Variants in RREB1 observed in about 807,000 individuals in gnomAD.
RREB1 encodes the protein ras responsive element binding protein 1, also known as ras-responsive element-binding protein 1.
RREB1 carries 27 observed loss-of-function variants against 117.8 expected under a neutral mutation model. That is an observed-to-expected ratio of 0.23 (90% confidence interval 0.17 to 0.32). The LOEUF (loss-of-function observed/expected upper bound fraction) is 0.32, where lower values mean the gene tolerates loss of function less well. RREB1 is among the 10% of genes least tolerant of loss of function. The pLI, the probability that RREB1 is intolerant of heterozygous loss-of-function variation, is 1.00. For synonymous variants in RREB1, 1,298 were observed against 1,026.7 expected, an observed-to-expected ratio of 1.26 and a Z score of -5.05; for missense variants, 2,577 against 2,378.2, an observed-to-expected ratio of 1.08 and a Z score of -1.74.
intron 1 of RREB1, among the ~76,000 whole-genome samples, chr6:7,137,296 G>C (rs1202048108): frequency 6.6e-6 from 1 of 152,188 alleles, no homozygotes; most frequent in Non-Finnish European, 1.5e-5. Context: ...CTGCCTTATA[G>C]ACTCGGGTAC....
At chr6:7,239,190 C>T (rs1461209656) in intron 10 of RREB1, among the ~76,000 whole-genome samples, 1 of 152,216 alleles carries the variant, frequency 6.6e-6, no homozygotes, top group Admixed American at 6.5e-5. Context: ...TTCCAGGGAG[C>T]TGTGTTTAAT....
Position 7,248,636 on chromosome 6 carries a change from G to A in RREB1, c.4897G>A (p.Glu1633Lys), listed in dbSNP as rs997429214. The part of the protein sequence containing the change: ...AKHHGKDSDK[E>K]ERGEEDSENE... Reference sequence around the variant, plus strand: ...ACACCACGGGAAGGACAGCGACAAGGAAGAGCGGGGTGAGGAGGACAGCGA... The same window carrying A: ...ACACCACGGGAAGGACAGCGACAAGAAAGAGCGGGGTGAGGAGGACAGCGA... The change falls in exon 13 of 13, where the codon GAA becomes AAA. Residue 1633 changes from glutamate (E) to lysine (K), a missense_variant. By Grantham distance (56) the Glu-to-Lys change is moderately conservative (BLOSUM62 1). Transcript: ENST00000379938. 1.2e-6 allele frequency: 2 copies of A among 1,614,136 alleles called. No homozygotes were observed. Among genetic ancestry groups the A allele is most frequent in the South Asian group, 1.1e-5 (1 of 91,094 alleles).
At chr6:7,160,336 A>T (rs547868614) in intron 1 of RREB1, among the ~76,000 whole-genome samples, 186 of 151,476 alleles carry the variant, frequency 1.2e-3, no homozygotes, top group South Asian at 2.5e-3. Flanking sequence ...AAGTTTTTTT[A>T]AAAAAAAATA....
chr6:7,171,197 T>C (rs1764189517), intron 1 of RREB1, among the ~76,000 whole-genome samples: 3 of 152,224 alleles, frequency 2.0e-5, no homozygotes, highest in Admixed American at 2.0e-4. Context: ...CCCATCACTT[T>C]GCAGAGCAAG....
intron 1 of RREB1, among the ~76,000 whole-genome samples, chr6:7,113,634 C>A (rs747052439): frequency 5.9e-5 from 9 of 152,266 alleles, no homozygotes; most frequent in Admixed American, 1.3e-4. Flanking sequence ...TCCAGCCTAG[C>A]CCTGTAGAAC....
chr6:7,169,112 T>G (rs1176989370), intron 1 of RREB1, among the ~76,000 whole-genome samples: 1 of 152,252 alleles, frequency 6.6e-6, no homozygotes, highest in Non-Finnish European at 1.5e-5. Context: ...ATAGCAACAT[T>G]CTTTTCTGTT....
At chr6:7,131,000 G>T (rs1186863667) in intron 1 of RREB1, among the ~76,000 whole-genome samples, 1 of 141,826 alleles carries the variant, frequency 7.1e-6, no homozygotes, top group Admixed American at 7.5e-5. Context: ...GGTCAGTGGC[G>T]CGATCTCGGC....
intron 7 of RREB1, 71 bp from the exon 8 acceptor site, chr6:7,211,502 C>T (rs1766602127): frequency 1.5e-6 from 2 of 1,351,828 alleles, no homozygotes; most frequent in Non-Finnish European, 1.1e-6. Flanking sequence ...CTGAATTTAG[C>T]ATTGGCCTCT....
chr6:7,124,498 A>T lies in RREB1; in HGVS notation c.-285+16438A>T, dbSNP rs947723599. Among the ~76,000 whole-genome samples the T allele has an allele frequency of 5.9e-5, 9 of 152,348 alleles. No homozygotes were observed. In the East Asian group the frequency reaches 1.7e-3, roughly 29 times the overall value. On this transcript the variant is annotated intron_variant, in intron 1 of 12. Coordinates refer to ENST00000379938, the MANE Select transcript of RREB1 (RefSeq NM_001003699.4). Reference sequence around the variant, plus strand: ...TGTCTCTTCAGGAAACTGAGTACACAGAAATCCAGTCCTAAACACCAGAAA... The same window carrying T: ...TGTCTCTTCAGGAAACTGAGTACACTGAAATCCAGTCCTAAACACCAGAAA...
At position 7,249,709 on chromosome 6, in the gene RREB1, T is replaced by G. The variant is rs540287249; in HGVS notation, c.*741T>G. The G allele has an allele frequency of 2.0e-5, 3 of 152,084 alleles. No homozygotes were observed. Among genetic ancestry groups the G allele is most frequent in the Non-Finnish European group, 4.4e-5 (3 of 68,030 alleles). 9.4% of individuals were successfully genotyped at this position (152,084 alleles called of 1,614,324 possible). On this transcript the variant is annotated 3_prime_UTR_variant, in exon 13 of 13. Coordinates refer to ENST00000379938, the MANE Select transcript of RREB1 (RefSeq NM_001003699.4). ...ATCCATTCTTAACTATAGAGAAGAG[T>G]TACTCCCCTGGCGTCTTAACCTATG...
intron 1 of RREB1, among the ~76,000 whole-genome samples, chr6:7,117,452 C>T (rs910245077): frequency 2.5e-5 from 3 of 121,656 alleles, no homozygotes; most frequent in Admixed American, 1.1e-4. Flanking sequence ...CTCTTGTCAC[C>T]GAGGCTGGAG....
chr6:7,108,953 C>T (rs1760989370), intron 1 of RREB1, among the ~76,000 whole-genome samples: 1 of 151,434 alleles, frequency 6.6e-6, no homozygotes, highest in African/African-American at 2.4e-5. Flanking sequence ...CGTATTGTTC[C>T]CTCGCCCTTC....
At chr6:7,208,880 CG>C (rs1329798377) in intron 6 of RREB1, among the ~76,000 whole-genome samples, 2 of 152,160 alleles carry the variant, frequency 1.3e-5, no homozygotes, top group East Asian at 3.9e-4. Flanking sequence ...AACTGACTGG[CG>C]TGGTCTTGGG....
intron 9 of RREB1, among the ~76,000 whole-genome samples, chr6:7,227,397 C>T (rs1190965182): frequency 6.6e-6 from 1 of 151,710 alleles, no homozygotes; most frequent in East Asian, 1.9e-4. Flanking sequence ...AAAAATTAGC[C>T]AGGCGTGGTA....
chr6:7,221,170 T>C (rs558857369), intron 8 of RREB1, among the ~76,000 whole-genome samples: 1 of 151,964 alleles, frequency 6.6e-6, no homozygotes, highest in East Asian at 1.9e-4. Flanking sequence ...GTTTTTCTTT[T>C]TTTTTTTTTG....
At position 7,249,256 on chromosome 6, in the gene RREB1, CA is replaced by C; in HGVS notation, c.*292del. On this transcript the variant is annotated 3_prime_UTR_variant, in exon 13 of 13. Coordinates refer to ENST00000379938, the MANE Select transcript of RREB1 (RefSeq NM_001003699.4). ...TATTTTTCCAAAATGACTTCTTAAA[CA>C]AAACAAATATTATAATGAATTGTCT... is the stretch of plus-strand genomic sequence containing the variant. 2.5e-6 allele frequency: 1 copy of C among 402,122 alleles called. No homozygotes were observed. The allele number at this position is 402,122 out of a possible 1,614,324, so 24.9% of individuals were successfully genotyped here. A position where few individuals can be genotyped will look rare whatever the true frequency, so the allele number is the denominator to read the frequency against.
intron 4 of RREB1, among the ~76,000 whole-genome samples, chr6:7,186,254 A>G (rs953139484): frequency 6.6e-6 from 1 of 152,014 alleles, no homozygotes; most frequent in Non-Finnish European, 1.5e-5. Flanking sequence ...GTTCAGCCCT[A>G]CCTCTCCATG....
intron 1 of RREB1, among the ~76,000 whole-genome samples, chr6:7,156,327 G>A (rs1220907732): frequency 2.0e-5 from 3 of 151,950 alleles, no homozygotes; most frequent in East Asian, 1.9e-4. Context: ...GGTAAATCTC[G>A]AGTCAAATCT....
At position 7,248,673 on chromosome 6, in the gene RREB1, C is replaced by T. The variant is rs1769258449; in HGVS notation, c.4934C>T (p.Thr1645Ile). The T allele has an allele frequency of 1.2e-6, 2 of 1,614,126 alleles. No individual in the cohort carries two copies. Among genetic ancestry groups the T allele is most frequent in the East Asian group, 2.2e-5 (1 of 44,872 alleles). ...GAGGAGGACAGCGAGAATGAGTCCA[C>T]CCACAGCGGCAACAACGCCGTCTCA... Reference protein sequence around the residue: ...RGEEDSENESTHSGNNAVSEN... With the variant: ...RGEEDSENESIHSGNNAVSEN... Residue 1645 changes from threonine to isoleucine, a missense_variant, in exon 13 of 13, where the codon ACC (threonine) becomes ATC (isoleucine). Coordinates refer to ENST00000379938, the MANE Select transcript of RREB1 (RefSeq NM_001003699.4).
Sources: allele counts gnomAD v4.1 joint callset (sites outside exome capture counted in the v4.1 genomes callset), GRCh38; gene constraint gnomAD v4.1.1; transcripts MANE v1.5; gene names NCBI Gene and HGNC (gene_info 2026-07-23, HGNC 2026-07-21).